Variants in ZRANB3 observed in about 807,000 individuals in gnomAD.
The protein encoded by ZRANB3 is zinc finger RANBP2-type containing 3.
In ZRANB3, 125 loss-of-function variants were observed where a neutral mutation model predicts 133.8. That is an observed-to-expected ratio of 0.93 (90% confidence interval 0.81 to 1.08). ZRANB3 has a LOEUF of 1.08. ZRANB3 is among the 50% of genes least tolerant of loss of function. ZRANB3 has a pLI of 0.00. For synonymous variants in ZRANB3, 387 were observed against 432.7 expected (o/e 0.89, Z 1.31); for missense variants, 1,229 against 1,275.5 (o/e 0.96, Z 0.56).
chr2:135,500,581 T>C (rs930569526), intron 2 of ZRANB3, among the ~76,000 whole-genome samples: 4 of 151,932 alleles, frequency 2.6e-5, no homozygotes, highest in African/African-American at 7.2e-5. Flanking sequence ...GAAGTCAGGA[T>C]AGTGGTTACT....
intron 12 of ZRANB3, among the ~76,000 whole-genome samples, chr2:135,232,004 C>T (rs1477580985): frequency 6.6e-6 from 1 of 152,126 alleles, no homozygotes; most frequent in Non-Finnish European, 1.5e-5. Flanking sequence ...ATCGACTCAC[C>T]CGGGAAGCGC....
Position 135,410,232 on chromosome 2 carries a change from AC to A in ZRANB3, c.162-19413del, listed in dbSNP as rs367797031. Among the ~76,000 whole-genome samples the A allele has an allele frequency of 1.3e-3, 202 of 152,286 alleles. 3 individuals are homozygous for A. In the East Asian group the frequency reaches 0.033, roughly 25 times the overall value. The stretch of plus-strand genomic sequence containing the variant: ...GAGGCATCACACTACCCAACTTCAA[AC>A]TATACAACAGGGCTACAGTAACCAA... On this transcript the variant is annotated intron_variant, in intron 2 of 20. Coordinates refer to ENST00000264159, the MANE Select transcript of ZRANB3 (RefSeq NM_032143.4).
At chr2:135,402,749 C>G (rs931253464) in intron 2 of ZRANB3, among the ~76,000 whole-genome samples, 5 of 152,030 alleles carry the variant, frequency 3.3e-5, no homozygotes, top group Admixed American at 1.3e-4. Context: ...CCACGTCCAG[C>G]TAATTTTTGT....
At chr2:135,223,568 T>C (rs1694638787) in intron 15 of ZRANB3, among the ~76,000 whole-genome samples, 1 of 152,038 alleles carries the variant, frequency 6.6e-6, no homozygotes. Context: ...CCTCAGGTGA[T>C]CCACCCACCT....
At chr2:135,241,249 CT>C (rs1335222387) in intron 12 of ZRANB3, among the ~76,000 whole-genome samples, 2 of 151,508 alleles carry the variant, frequency 1.3e-5, no homozygotes, top group Admixed American at 1.3e-4. Context: ...TTCTTTTTGT[CT>C]TTTTACCCTG....
chr2:135,216,731 C>T (rs928751824), intron 17 of ZRANB3, among the ~76,000 whole-genome samples: 3 of 152,202 alleles, frequency 2.0e-5, no homozygotes, highest in Admixed American at 6.5e-5. Flanking sequence ...TGAGCCACCG[C>T]GCGCAGCCTG....
chr2:135,340,982 T>C (rs1255006158), intron 6 of ZRANB3, among the ~76,000 whole-genome samples: 3 of 103,398 alleles, frequency 2.9e-5, no homozygotes, highest in Middle Eastern at 8.2e-3. Flanking sequence ...TTCATTGTAT[T>C]TTAGAAATAT....
intron 13 of ZRANB3, 97 bp downstream of exon 13, chr2:135,230,416 C>G: frequency 8.7e-7 from 1 of 1,151,714 alleles, no homozygotes; most frequent in Non-Finnish European, 1.2e-6. Flanking sequence ...TGTGCTGAGT[C>G]ACACTAACCC....
intron 2 of ZRANB3, among the ~76,000 whole-genome samples, chr2:135,408,117 C>A (rs1226224333): frequency 6.6e-6 from 1 of 151,488 alleles, no homozygotes; most frequent in Non-Finnish European, 1.5e-5. Context: ...TGAACTCAAA[C>A]AAATTTACAA....
intron 6 of ZRANB3, among the ~76,000 whole-genome samples, chr2:135,340,710 G>A (rs999771654): frequency 6.6e-5 from 10 of 151,982 alleles, no homozygotes; most frequent in African/African-American, 1.7e-4. Context: ...AAAATTAGCC[G>A]GGTGTGGTGG....
chr2:135,262,858 A>AT (rs1233787384), intron 12 of ZRANB3, among the ~76,000 whole-genome samples: 1 of 151,620 alleles, frequency 6.6e-6, no homozygotes, highest in Non-Finnish European at 1.5e-5. Context: ...CTAATATATT[A>AT]TTTCTTATTA....
At chr2:135,358,016 G>C (rs918954081) in intron 3 of ZRANB3, among the ~76,000 whole-genome samples, 4 of 152,164 alleles carry the variant, frequency 2.6e-5, no homozygotes, top group Admixed American at 6.6e-5. Flanking sequence ...CCCAGCGCCT[G>C]CTATTTATTA....
chr2:135,404,000 G>C (rs1006097484), intron 2 of ZRANB3, among the ~76,000 whole-genome samples: 6 of 152,116 alleles, frequency 3.9e-5, no homozygotes, highest in African/African-American at 1.4e-4. Context: ...CAAAGATGGG[G>C]AAAAAACAGA....
At chr2:135,268,198 C>T (rs1680338252) in intron 11 of ZRANB3, among the ~76,000 whole-genome samples, 1 of 152,062 alleles carries the variant, frequency 6.6e-6, no homozygotes, top group African/African-American at 2.4e-5. Flanking sequence ...CTCTGTCACC[C>T]AGGCTGGAGT....
chr2:135,439,171 A>G (rs1689674970), intron 2 of ZRANB3, among the ~76,000 whole-genome samples: 1 of 152,220 alleles, frequency 6.6e-6, no homozygotes, highest in Admixed American at 6.5e-5. Context: ...GTAACTTTGT[A>G]TCTAAGGTCT....
intron 2 of ZRANB3, among the ~76,000 whole-genome samples, chr2:135,444,111 CA>C (rs34954609): frequency 0.11 from 15,821 of 142,548 alleles, 1,085 homozygotes; most frequent in South Asian, 0.33. Flanking sequence ...ATCAAAAAGA[CA>C]AAAAAAAAAG....
chr2:135,292,840 A>G (rs1286426851), intron 8 of ZRANB3, among the ~76,000 whole-genome samples: 2 of 152,068 alleles, frequency 1.3e-5, no homozygotes, highest in Non-Finnish European at 2.9e-5. Context: ...AGCACCATTT[A>G]TTAAATAGGG....
intron 2 of ZRANB3, among the ~76,000 whole-genome samples, chr2:135,433,873 T>C (rs1170056687): frequency 1.3e-5 from 2 of 152,180 alleles, no homozygotes; most frequent in Non-Finnish European, 2.9e-5. Flanking sequence ...GACGTGTGCC[T>C]GTAATCCCAG....
chr2:135,520,784 C>T (rs1693903463), intron 1 of ZRANB3, among the ~76,000 whole-genome samples: 1 of 151,930 alleles, frequency 6.6e-6, no homozygotes, highest in Admixed American at 6.6e-5. Flanking sequence ...GGGGTTACAC[C>T]ATCTTGGTCA....
Sources: allele counts gnomAD v4.1 joint callset (sites outside exome capture counted in the v4.1 genomes callset), GRCh38; gene constraint gnomAD v4.1.1; transcripts MANE v1.5; gene names NCBI Gene and HGNC (gene_info 2026-07-23, HGNC 2026-07-21).